The following ATG14 variants were observed in gnomAD, a reference collection of about 807,000 sequenced individuals.
ATG14 encodes autophagy related 14.
Under a neutral mutation model 60.4 loss-of-function variants are expected in ATG14, and 35 were observed. The observed-to-expected ratio is 0.58, with a 90% CI of 0.44 to 0.77. The LOEUF is 0.77. ATG14 is among the 30% of genes least tolerant of loss of function. The pLI is 0.00. For synonymous variants in ATG14, 234 were observed against 228.8 expected (o/e 1.02, Z -0.21); for missense variants, 647 against 626.3 (o/e 1.03, Z -0.35).
rs745352782 is a variant in ATG14, at chr14:55,397,361, A to G, written c.284+11T>C. 6.2e-7 allele frequency: 1 copy of G among 1,611,578 alleles called. No individual in the cohort carries two copies. The highest frequency in any genetic ancestry group is 1.1e-5 in the South Asian group (1 of 90,936). Reference sequence around the variant, plus strand: ...ACCTCCACAAATTAAAAGACAAAACAAAACACTCACTCTTTCTGAAATTCT... The same window carrying G: ...ACCTCCACAAATTAAAAGACAAAACGAAACACTCACTCTTTCTGAAATTCT... On this transcript the variant is annotated intron_variant, in intron 2 of 9. Transcript: ENST00000247178.
At chr14:55,372,054 C>G (rs751451021) in intron 9 of ATG14, among the ~76,000 whole-genome samples, 2 of 152,102 alleles carry the variant, frequency 1.3e-5, no homozygotes, top group Non-Finnish European at 1.5e-5. Flanking sequence ...CAGTTCTACT[C>G]TAGAGCCATC....
At position 55,385,887 on chromosome 14, in the gene ATG14, G is replaced by A; in HGVS notation, c.619C>T (p.Pro207Ser). 1 of 1,612,338 alleles carries A rather than the reference G, an allele frequency of 6.2e-7. No homozygotes were observed. Among genetic ancestry groups the A allele is most frequent in the Non-Finnish European group, 8.5e-7 (1 of 1,178,900 alleles). ...ACACCCGTCTTTACTTCCTCGATTG[G>A]AAAAATGACAGAGGTGAGCTCTAAT... is the stretch of plus-strand genomic sequence containing the variant. ...HILELTSVIF[P>S]IEEVKTGVRD... is the part of the protein sequence containing the mutation. Residue 207 changes from proline to serine, a missense_variant, in exon 5 of 10, where the codon CCA becomes TCA. Transcript: ENST00000247178.
At chr14:55,372,175 T>A (rs1884833980) in intron 9 of ATG14, among the ~76,000 whole-genome samples, 1 of 151,994 alleles carries the variant, frequency 6.6e-6, no homozygotes, top group African/African-American at 2.4e-5. Flanking sequence ...CTGGGACTCC[T>A]CCCCTCCCAC....
Position 55,369,352 on chromosome 14 carries a change from A to C in ATG14, c.*267T>G, listed in dbSNP as rs1466711862. The stretch of plus-strand genomic sequence containing the variant: ...CTGCTTCCTTGGCAGAACTGGCCAC[A>C]CGCACAGGTCCTCCTTCCACCAGCA... On this transcript the variant is annotated 3_prime_UTR_variant, in exon 10 of 10. Coordinates refer to ENST00000247178, the MANE Select transcript of ATG14 (RefSeq NM_014924.5). The C allele has an allele frequency of 3.6e-6, 1 of 278,668 alleles. No individual in the cohort carries two copies. The highest frequency in any genetic ancestry group is 2.2e-5 in the African/African-American group (1 of 45,894). 17.3% of individuals were successfully genotyped at this position (278,668 alleles called of 1,614,324 possible). A position where few individuals can be genotyped will look rare whatever the true frequency, so the allele number is the denominator to read the frequency against.
intron 1 of ATG14, among the ~76,000 whole-genome samples, chr14:55,404,063 C>G (rs1419752198): frequency 2.0e-5 from 3 of 152,082 alleles, no homozygotes; most frequent in South Asian, 4.1e-4. Flanking sequence ...TGGAACTGAC[C>G]TTCTGGGAGC....
rs879213061 is a variant in ATG14 at position 55,411,313 on chromosome 14, T to C, written c.221+289A>G. 3.7e-4 allele frequency among the ~76,000 whole-genome samples: 56 copies of C among 152,226 alleles called. 1 individual carries two copies. Among genetic ancestry groups the C allele is most frequent in the Middle Eastern group, 3.2e-3 (1 of 316 alleles). On this transcript the variant is annotated intron_variant, in intron 1 of 9. Transcript: ENST00000247178. ...AACTTAATGGCAGCAACGGGAAAACTTCTCCAGAGAGTCACCACTTATTCC... is the reference window on the plus strand; with the variant it reads ...AACTTAATGGCAGCAACGGGAAAACCTCTCCAGAGAGTCACCACTTATTCC...
chr14:55,369,674 G>C lies in ATG14; in HGVS notation c.1424C>G (p.Ser475Cys), dbSNP rs968587724. Residue 475 changes from serine (S) to cysteine (C), a missense_variant, in exon 10 of 10, where the codon TCC (serine) becomes TGC (cysteine). By Grantham distance (112) the Ser-to-Cys change is moderately radical. Transcript: ENST00000247178. ...GGAGGTCACCGAGGCTGCTGCAGAG[G>C]AGATCATCCCACCTGCACTGCTGCT... Reference protein sequence around the residue: ...IASSSAGGMISSAAASVTSWF... With the variant: ...IASSSAGGMICSAAASVTSWF... 6.3e-7 allele frequency: 1 copy of C among 1,579,984 alleles called. No homozygotes were observed.
chr14:55,380,855 G>GTGTATATA (rs1555341866), intron 6 of ATG14, among the ~76,000 whole-genome samples, 165 bp from the exon 7 acceptor site: 1 of 118,084 alleles, frequency 8.5e-6, no homozygotes, highest in Non-Finnish European at 1.7e-5. Flanking sequence ...TTCTTTGTGT[G>GTGTATATA]TATATATATA....
At chr14:55,407,396 T>C (rs1277933417) in intron 1 of ATG14, among the ~76,000 whole-genome samples, 1 of 152,204 alleles carries the variant, frequency 6.6e-6, no homozygotes, top group African/African-American at 2.4e-5. Flanking sequence ...CCCAAAGTGC[T>C]GGGATTACAG....
At chr14:55,381,123 A>G (rs79908604) in intron 6 of ATG14, among the ~76,000 whole-genome samples, 8,809 of 151,838 alleles carry the variant, frequency 0.058, 322 homozygotes, top group South Asian at 0.089. Flanking sequence ...CACCCACTCA[A>G]TGTACAGCAT....
intron 5 of ATG14, among the ~76,000 whole-genome samples, chr14:55,385,090 GC>G (rs1259446292): frequency 2.0e-5 from 3 of 152,298 alleles, no homozygotes; most frequent in African/African-American, 7.2e-5. Context: ...AAAAGGCTAA[GC>G]CAACATGTAG....
intron 1 of ATG14, among the ~76,000 whole-genome samples, chr14:55,401,127 C>T (rs1885391661): frequency 6.6e-6 from 1 of 152,096 alleles, no homozygotes; most frequent in South Asian, 2.1e-4. Context: ...GGCCTCCCAT[C>T]CCTCCCTCTG....
At chr14:55,385,748 C>A in intron 5 of ATG14, 111 bp downstream of exon 5, 1 of 955,476 alleles carries the variant, frequency 1.0e-6, no homozygotes. Context: ...GTTCCATCAC[C>A]AGGAAAACCA....
At chr14:55,409,545 C>T (rs35502084) in intron 1 of ATG14, among the ~76,000 whole-genome samples, 34,422 of 151,498 alleles carry the variant, frequency 0.23, 4,196 homozygotes, top group South Asian at 0.27. Flanking sequence ...AAGAGTCTAA[C>T]GTATGAGCAG....
At chr14:55,391,537 C>T (rs574300434) in intron 3 of ATG14, among the ~76,000 whole-genome samples, 78 of 150,648 alleles carry the variant, frequency 5.2e-4, no homozygotes, top group Non-Finnish European at 1.1e-3. Flanking sequence ...TTGTATGTAT[C>T]AGTAAGCAAA....
chr14:55,401,570 G>C (rs1885399334), intron 1 of ATG14, among the ~76,000 whole-genome samples: 1 of 151,954 alleles, frequency 6.6e-6, no homozygotes, highest in African/African-American at 2.4e-5. Context: ...ATATGATTTG[G>C]GTTGTTCCCC....
chr14:55,400,914 A>C (rs1243587777), intron 1 of ATG14, among the ~76,000 whole-genome samples: 1 of 70,936 alleles, frequency 1.4e-5, no homozygotes, highest in East Asian at 3.7e-4. Context: ...ATAAATAAAT[A>C]AAATAAAATA....
intron 7 of ATG14, 41 bp downstream of exon 7, chr14:55,380,532 G>C: frequency 7.7e-7 from 1 of 1,291,648 alleles, no homozygotes; most frequent in Non-Finnish European, 1.1e-6. Context: ...AAACTTGAAA[G>C]AGCCATGATA....
At chr14:55,396,613 A>G (rs72717752) in intron 2 of ATG14, among the ~76,000 whole-genome samples, 12,793 of 152,208 alleles carry the variant, frequency 0.084, 587 homozygotes, top group South Asian at 0.11. Context: ...GTTTGGGGAG[A>G]TGCCACAAAA....
Sources: allele counts gnomAD v4.1 joint callset (sites outside exome capture counted in the v4.1 genomes callset), GRCh38; gene constraint gnomAD v4.1.1; transcripts MANE v1.5; gene names NCBI Gene and HGNC (gene_info 2026-07-23, HGNC 2026-07-21).